SLC5A5: variants seen among roughly 807,000 people sequenced by gnomAD.
SLC5A5 encodes the protein sodium/iodide cotransporter.
Under a neutral mutation model 68.6 loss-of-function variants are expected in SLC5A5, and 56 were observed. The ratio of observed to expected loss-of-function variants is 0.82; its 90% CI spans 0.66 to 1.02. The LOEUF (loss-of-function observed/expected upper bound fraction) is 1.02. SLC5A5 is among the 50% of genes least tolerant of loss of function. The pLI, the probability that SLC5A5 is intolerant of heterozygous loss-of-function variation, is 0.00. For synonymous variants in SLC5A5, 398 were observed against 373.0 expected (o/e 1.07, Z -0.77); for missense variants, 807 against 859.8 (o/e 0.94, Z 0.77).
At chr19:17,882,100 G>C in intron 9 of SLC5A5, 28 bp downstream of exon 9, 1 of 1,608,508 alleles carries the variant, frequency 6.2e-7, no homozygotes, top group Non-Finnish European at 8.5e-7. Flanking sequence ...CTGGGTGGGA[G>C]GCCAGGGCAG....
intron 14 of SLC5A5, 69 bp downstream of exon 14, chr19:17,891,070 G>A (rs934062181): frequency 2.0e-5 from 19 of 944,260 alleles, no homozygotes; most frequent in Non-Finnish European, 3.3e-5. Context: ...CACAGCTCAG[G>A]GGAGGGACAT....
chr19:17,891,238 C>T (rs545563639), intron 14 of SLC5A5, among the ~76,000 whole-genome samples: 25 of 152,234 alleles, frequency 1.6e-4, no homozygotes, highest in Middle Eastern at 3.4e-3. Flanking sequence ...CAGAGTCTCG[C>T]TCTGTTGCCC....
intron 1 of SLC5A5, 38 bp from the exon 2 acceptor site, chr19:17,874,098 GGT>G: frequency 6.7e-7 from 1 of 1,496,638 alleles, no homozygotes; most frequent in Non-Finnish European, 9.3e-7. Context: ...TCGGCTCCTG[GGT>G]AAGGACTGTC....
At chr19:17,876,426 C>CAAAAA (rs60457185) in intron 5 of SLC5A5, among the ~76,000 whole-genome samples, 57 of 87,418 alleles carry the variant, frequency 6.5e-4, no homozygotes, top group African/African-American at 2.4e-3. Flanking sequence ...GACCCTGTCT[C>CAAAAA]AAAAAAAAAA....
intron 1 of SLC5A5, 69 bp downstream of exon 1, chr19:17,872,745 G>A (rs1265852501): frequency 2.8e-6 from 3 of 1,058,122 alleles, no homozygotes; most frequent in Non-Finnish European, 2.9e-6. Flanking sequence ...TGGGGGAGGC[G>A]CTGGGGCTTT....
intron 4 of SLC5A5, 118 bp downstream of exon 4, chr19:17,874,849 T>A: frequency 1.1e-6 from 1 of 906,844 alleles, no homozygotes; most frequent in Non-Finnish European, 1.8e-6. Context: ...TGGGACCCAG[T>A]GTCCTCATCT....
chr19:17,884,096 CT>C, intron 12 of SLC5A5, 50 bp downstream of exon 12: 1 of 1,446,434 alleles, frequency 6.9e-7, no homozygotes, highest in Non-Finnish European at 9.4e-7. Context: ...ATGGTGTGAT[CT>C]TGAAGGGAAA....
chr19:17,889,620 G>A (rs1054857679), intron 13 of SLC5A5, among the ~76,000 whole-genome samples: 37 of 151,744 alleles, frequency 2.4e-4, no homozygotes, highest in Admixed American at 3.9e-4. Flanking sequence ...CTACAGGTGC[G>A]CGCCAACGTG....
At chr19:17,890,058 T>A (rs139979695) in intron 13 of SLC5A5, among the ~76,000 whole-genome samples, 1 of 152,016 alleles carries the variant, frequency 6.6e-6, no homozygotes, top group Non-Finnish European at 1.5e-5. Context: ...CATCCATTAA[T>A]GTCTTTGTTT....
Position 17,872,468 on chromosome 19 carries a change from G to A in SLC5A5, c.149G>A (p.Gly50Glu), listed in dbSNP as rs1415094996. Residue 50 changes from glycine to glutamate, a missense_variant, in exon 1 of 15, where the codon GGG becomes GAG. Coordinates refer to ENST00000222248, the MANE Select transcript of SLC5A5 (RefSeq NM_000453.3). ...GQRSAEDFFTGGRRLAALPVG... is the reference protein window; with the variant it reads ...GQRSAEDFFTEGRRLAALPVG... ...CGCAGCGCTGAGGACTTCTTCACCG[G>A]GGGCCGGCGCCTGGCGGCCCTGCCC... 1.2e-6 allele frequency: 2 copies of A among 1,611,330 alleles called. No individual in the cohort carries two copies. The highest frequency in any genetic ancestry group is 1.1e-5 in the South Asian group (1 of 90,850).
intron 13 of SLC5A5, among the ~76,000 whole-genome samples, 192 bp downstream of exon 13, chr19:17,888,647 T>C (rs951742318): frequency 6.9e-6 from 1 of 145,882 alleles, no homozygotes; most frequent in African/African-American, 2.7e-5. Flanking sequence ...TCATCATCAT[T>C]TTTGAGATAG....
intron 1 of SLC5A5, among the ~76,000 whole-genome samples, chr19:17,872,886 A>C (rs2094297825): frequency 1.3e-5 from 2 of 151,890 alleles, no homozygotes; most frequent in African/African-American, 4.8e-5. Context: ...AGGAAGAGAG[A>C]GCCTGGCGTC....
chr19:17,891,529 C>T (rs1599935051), intron 14 of SLC5A5, among the ~76,000 whole-genome samples: 1 of 152,018 alleles, frequency 6.6e-6, no homozygotes, highest in African/African-American at 2.4e-5. Context: ...TTTGTTATCT[C>T]CCTTCATAAG....
Position 17,882,014 on chromosome 19 carries a change from C to T in SLC5A5, c.1113C>T (p.Ile371=), listed in dbSNP as rs1372183512. The T allele has an allele frequency of 1.9e-6, 3 of 1,614,214 alleles. No individual in the cohort carries two copies. Among genetic ancestry groups the T allele is most frequent in the Non-Finnish European group, 1.7e-6 (2 of 1,180,038 alleles). ...CTGCAGTCACTGTAGAAGACCTCAT[C>T]AAACCTCGGCTGCGGAGCCTGGCAC... ...AMAAVTVEDL[I]KPRLRSLAPR... Residue 371 remains isoleucine (I), a synonymous_variant, in exon 9 of 15, where the codon ATC becomes ATT. Coordinates refer to ENST00000222248, the MANE Select transcript of SLC5A5 (RefSeq NM_000453.3).
intron 5 of SLC5A5, among the ~76,000 whole-genome samples, chr19:17,876,922 C>T (rs1391575656): frequency 6.0e-5 from 9 of 150,344 alleles, no homozygotes; most frequent in African/African-American, 4.9e-5. Flanking sequence ...TCCAGCTACT[C>T]GGGGAGGCTG....
intron 12 of SLC5A5, among the ~76,000 whole-genome samples, chr19:17,887,180 T>C (rs2147749287): frequency 6.6e-6 from 1 of 152,368 alleles, no homozygotes. Context: ...TATATCTTTA[T>C]GTATTCTGGG....
intron 4 of SLC5A5, among the ~76,000 whole-genome samples, chr19:17,875,587 AC>A (rs59128676): frequency 0.87 from 125,747 of 145,078 alleles, 55,078 homozygotes; most frequent in Non-Finnish European, 0.94. Context: ...ACATAGTGAG[AC>A]CCCCCCCCGC....
chr19:17,872,365 G>A lies in SLC5A5; in HGVS notation c.46G>A (p.Asp16Asn), dbSNP rs746546577. Residue 16 changes from aspartate to asparagine, a missense_variant, in exon 1 of 15, where the codon GAC becomes AAC. Physicochemically the swap from Asp to Asn is conservative, Grantham distance 23. Coordinates refer to ENST00000222248, the MANE Select transcript of SLC5A5 (RefSeq NM_000453.3). ...TGERPTFGAW[D>N]YGVFALMLLV... Reference sequence around the variant, plus strand: ...GGAACGGCCCACCTTCGGAGCCTGGGACTACGGGGTCTTTGCCCTCATGCT... The same window carrying A: ...GGAACGGCCCACCTTCGGAGCCTGGAACTACGGGGTCTTTGCCCTCATGCT... 1.3e-6 allele frequency: 2 copies of A among 1,593,866 alleles called. No individual in the cohort carries two copies. Among genetic ancestry groups the A allele is most frequent in the East Asian group, 4.5e-5 (2 of 44,254 alleles).
intron 13 of SLC5A5, among the ~76,000 whole-genome samples, chr19:17,888,879 G>A (rs58107148): frequency 0.015 from 2,226 of 150,780 alleles, 59 homozygotes; most frequent in African/African-American, 0.048. Context: ...CCTCGGCCTC[G>A]CAAAGTTCTG....
Sources: gnomAD v4.1 joint callset for allele counts (sites outside exome capture counted in the v4.1 genomes callset) on GRCh38, gnomAD v4.1.1 for gene constraint, MANE v1.5 for transcripts, NCBI Gene and HGNC (gene_info 2026-07-23, HGNC 2026-07-21) for gene names.